TTC29: variants seen among roughly 807,000 people sequenced by gnomAD.
TTC29 encodes tetratricopeptide repeat domain 29.
Under a neutral mutation model 58.1 loss-of-function variants are expected in TTC29, and 49 were observed. The observed-to-expected ratio is 0.84, with a 90% CI of 0.67 to 1.07. The LOEUF (loss-of-function observed/expected upper bound fraction) is 1.07. TTC29 is among the 50% of genes least tolerant of loss of function. The probability of loss-of-function intolerance (pLI) is 0.00; values close to 1 mark genes in which losing one functional copy is unlikely to be tolerated. For missense variants in TTC29, 582 were observed against 555.6 expected, an observed-to-expected ratio of 1.05 and a Z score of -0.48; for synonymous variants, 209 against 196.8, an observed-to-expected ratio of 1.06 and a Z score of -0.52.
chr4:146,743,034 C>T (rs1435500973), intron 11 of TTC29, among the ~76,000 whole-genome samples: 7 of 151,962 alleles, frequency 4.6e-5, no homozygotes, highest in Non-Finnish European at 1.0e-4. Context: ...CAAAAGAAAT[C>T]AGTCCTTAGG....
intron 11 of TTC29, among the ~76,000 whole-genome samples, chr4:146,802,107 A>T (rs1750274611): frequency 6.6e-6 from 1 of 150,860 alleles, no homozygotes; most frequent in Non-Finnish European, 1.5e-5. Context: ...CATAATTACC[A>T]TTGTGATGAT....
At chr4:146,792,299 T>G (rs1228380635) in intron 11 of TTC29, among the ~76,000 whole-genome samples, 1 of 152,202 alleles carries the variant, frequency 6.6e-6, no homozygotes, top group African/African-American at 2.4e-5. Context: ...TCATTTACCA[T>G]TCTGAAAATC....
chr4:146,879,083 A>T (rs1029511325), intron 6 of TTC29, among the ~76,000 whole-genome samples: 1 of 152,296 alleles, frequency 6.6e-6, no homozygotes, highest in South Asian at 2.1e-4. Flanking sequence ...GTAGGGATTC[A>T]TTTCTAAAAG....
At chr4:146,930,084 C>CATATAT (rs70958534) in intron 4 of TTC29, among the ~76,000 whole-genome samples, 13,265 of 76,688 alleles carry the variant, frequency 0.17, 1,482 homozygotes, top group Non-Finnish European at 0.21. Flanking sequence ...TGTGTGTGTG[C>CATATAT]ATATATATAT....
chr4:146,854,728 C>A (rs1292832907), intron 8 of TTC29, among the ~76,000 whole-genome samples: 1 of 152,154 alleles, frequency 6.6e-6, no homozygotes, highest in Non-Finnish European at 1.5e-5. Flanking sequence ...ACCAGCTTAC[C>A]CTCCTAACTG....
intron 4 of TTC29, among the ~76,000 whole-genome samples, chr4:146,933,471 C>A (rs962135876): frequency 6.6e-6 from 1 of 152,150 alleles, no homozygotes; most frequent in Non-Finnish European, 1.5e-5. Context: ...ATTTTAAGTT[C>A]TTTTTGAAAA....
chr4:146,809,781 T>C (rs1371693814), intron 10 of TTC29, among the ~76,000 whole-genome samples: 1 of 149,896 alleles, frequency 6.7e-6, no homozygotes, highest in East Asian at 2.0e-4. Context: ...CCGGAGAGAA[T>C]GTGGAGAAAT....
At chr4:146,769,015 T>C (rs1406634623) in intron 11 of TTC29, among the ~76,000 whole-genome samples, 1 of 152,026 alleles carries the variant, frequency 6.6e-6, no homozygotes, top group Non-Finnish European at 1.5e-5. Flanking sequence ...CTGAAATTAC[T>C]ATATCAATCA....
intron 4 of TTC29, among the ~76,000 whole-genome samples, chr4:146,912,275 C>G (rs1455878738): frequency 6.6e-6 from 1 of 152,086 alleles, no homozygotes; most frequent in African/African-American, 2.4e-5. Flanking sequence ...AGGGGGTTAC[C>G]AGATAAAATG....
chr4:146,731,631 C>A (rs535187249), intron 11 of TTC29, among the ~76,000 whole-genome samples: 1 of 152,104 alleles, frequency 6.6e-6, no homozygotes, highest in African/African-American at 2.4e-5. Context: ...TGGCATTTCT[C>A]AGGAAAACGT....
chr4:146,860,982 A>T (rs974419856), intron 8 of TTC29, among the ~76,000 whole-genome samples: 6 of 152,292 alleles, frequency 3.9e-5, no homozygotes, highest in African/African-American at 1.4e-4. Flanking sequence ...TGTATTTTAA[A>T]AGCAAATGAA....
intron 11 of TTC29, among the ~76,000 whole-genome samples, chr4:146,718,757 G>T: frequency 6.6e-6 from 1 of 151,676 alleles, no homozygotes; most frequent in Non-Finnish European, 1.5e-5. Flanking sequence ...ACACTTTTGG[G>T]GTCAAATCTA....
intron 9 of TTC29, among the ~76,000 whole-genome samples, chr4:146,821,262 T>C (rs911001880): frequency 4.6e-5 from 7 of 152,134 alleles, no homozygotes; most frequent in South Asian, 2.1e-4. Context: ...TTTAGGGTGA[T>C]TGAAATTAGA....
At chr4:146,799,691 C>A (rs1750079400) in intron 11 of TTC29, among the ~76,000 whole-genome samples, 1 of 152,102 alleles carries the variant, frequency 6.6e-6, no homozygotes, top group Non-Finnish European at 1.5e-5. Flanking sequence ...TCTCTGATGT[C>A]ATTTACATTT....
chr4:146,882,340 G>A (rs1731683762), intron 6 of TTC29, among the ~76,000 whole-genome samples: 1 of 151,968 alleles, frequency 6.6e-6, no homozygotes, highest in Admixed American at 6.6e-5. Context: ...CATAATTGGA[G>A]GTATCAAAGT....
intron 11 of TTC29, among the ~76,000 whole-genome samples, chr4:146,783,354 T>C (rs1323279454): frequency 6.6e-6 from 1 of 150,874 alleles, no homozygotes; most frequent in Non-Finnish European, 1.5e-5. Flanking sequence ...TTTTTTTTTA[T>C]GAATGAAAAC....
chr4:146,744,140 G>T (rs562274798), intron 11 of TTC29, among the ~76,000 whole-genome samples: 3 of 152,140 alleles, frequency 2.0e-5, no homozygotes, highest in Non-Finnish European at 2.9e-5. Flanking sequence ...CAGTGTATCT[G>T]GTTTTTATTC....
At chr4:146,811,514 C>G (rs1276621965) in intron 10 of TTC29, among the ~76,000 whole-genome samples, 1 of 152,156 alleles carries the variant, frequency 6.6e-6, no homozygotes, top group Non-Finnish European at 1.5e-5. Flanking sequence ...ACTCATCTCT[C>G]TCCTCCTCAC....
chr4:146,789,315 A>G (rs1424382714), intron 11 of TTC29, among the ~76,000 whole-genome samples: 2 of 152,212 alleles, frequency 1.3e-5, no homozygotes, highest in Non-Finnish European at 2.9e-5. Flanking sequence ...GCTCCTGCAT[A>G]TAAGAATCTC....
Sources: gnomAD v4.1 joint callset for allele counts (sites outside exome capture counted in the v4.1 genomes callset) on GRCh38, gnomAD v4.1.1 for gene constraint, MANE v1.5 for transcripts, NCBI Gene and HGNC (gene_info 2026-07-23, HGNC 2026-07-21) for gene names.